Variants in SYNPO2 observed in about 807,000 individuals in gnomAD.
SYNPO2 encodes synaptopodin-2.
SYNPO2 carries 56 observed loss-of-function variants against 85.0 expected under a neutral mutation model. That is an observed-to-expected ratio of 0.66 (90% CI 0.53 to 0.82). The LOEUF is 0.82. SYNPO2 is among the 40% of genes least tolerant of loss of function. The pLI is 0.00. For missense variants in SYNPO2, 1,575 were observed against 1,534.2 expected (o/e 1.03, Z -0.44); for synonymous variants, 602 against 591.1 (o/e 1.02, Z -0.27).
intron 1 of SYNPO2, among the ~76,000 whole-genome samples, chr4:119,012,393 T>TTTTTTTTTTTTTTA (rs1553946399): frequency 1.1e-4 from 15 of 130,820 alleles, no homozygotes; most frequent in Admixed American, 2.4e-4. Context: ...TTTTTTTTTT[T>TTTTTTTTTTTTTTA]ATTTTACTTT....
intron 1 of SYNPO2, among the ~76,000 whole-genome samples, chr4:119,001,576 G>A (rs1367559641): frequency 6.6e-6 from 1 of 152,030 alleles, no homozygotes; most frequent in African/African-American, 2.4e-5. Context: ...CAGTATACCG[G>A]GAAGCCAAAA....
intron 4 of SYNPO2, chr4:119,036,034 CAAAT>C (rs1738499355): frequency 1.0e-6 from 1 of 985,330 alleles, no homozygotes; most frequent in South Asian, 4.7e-5. Flanking sequence ...TTTAATTTCT[CAAAT>C]AAAGGCCCTT....
At chr4:119,017,923 C>T (rs905320436) in intron 1 of SYNPO2, among the ~76,000 whole-genome samples, 4 of 152,070 alleles carry the variant, frequency 2.6e-5, no homozygotes, top group African/African-American at 9.7e-5. Flanking sequence ...AATCTGAGAC[C>T]TGCTTTCTAG....
chr4:118,893,817 C>T (rs558515360), intron 1 of SYNPO2, among the ~76,000 whole-genome samples: 1 of 150,726 alleles, frequency 6.6e-6, no homozygotes, highest in East Asian at 2.0e-4. Flanking sequence ...TTGATAATAA[C>T]GTATTGTATA....
intron 1 of SYNPO2, among the ~76,000 whole-genome samples, chr4:119,005,137 A>C (rs965655559): frequency 6.6e-6 from 1 of 152,226 alleles, no homozygotes; most frequent in African/African-American, 2.4e-5. Context: ...GCCCTTTGTC[A>C]GATGAGTAGA....
chr4:118,967,860 C>CAAAA (rs34878457), intron 1 of SYNPO2, among the ~76,000 whole-genome samples: 4 of 145,316 alleles, frequency 2.8e-5, no homozygotes, highest in African/African-American at 1.0e-4. Context: ...ATCTTTATAC[C>CAAAA]AAAAAAAAAA....
chr4:119,035,621 T>A, intron 4 of SYNPO2: 2 of 985,370 alleles, frequency 2.0e-6, no homozygotes, highest in Non-Finnish European at 2.4e-6. Context: ...ACTGTTTTAT[T>A]TAATTTTCAC....
chr4:119,000,428 G>A (rs1431122873), intron 1 of SYNPO2, among the ~76,000 whole-genome samples: 1 of 152,168 alleles, frequency 6.6e-6, no homozygotes, highest in African/African-American at 2.4e-5. Context: ...TGTCCAAGCT[G>A]AGGAAGACTT....
At chr4:118,889,897 G>A (rs113065578) in intron 1 of SYNPO2, among the ~76,000 whole-genome samples, 3,313 of 152,222 alleles carry the variant, frequency 0.022, 44 homozygotes, top group African/African-American at 0.024. Context: ...AGGGGATCTG[G>A]TATTCTCTAA....
chr4:118,940,644 C>T (rs1734276093), intron 1 of SYNPO2, among the ~76,000 whole-genome samples: 1 of 152,080 alleles, frequency 6.6e-6, no homozygotes, highest in Admixed American at 6.6e-5. Context: ...TGCGGTCGGA[C>T]CCCCACCCCT....
At chr4:118,893,278 G>A (rs748397966) in intron 1 of SYNPO2, among the ~76,000 whole-genome samples, 19 of 152,160 alleles carry the variant, frequency 1.2e-4, no homozygotes, top group Non-Finnish European at 2.4e-4. Context: ...GGAGGTTTCT[G>A]AAAGATGACA....
At chr4:118,866,700 A>C (rs1239292099) in intron 1 of SYNPO2, among the ~76,000 whole-genome samples, 4 of 152,092 alleles carry the variant, frequency 2.6e-5, no homozygotes, top group Non-Finnish European at 5.9e-5. Flanking sequence ...TAGAGTTTCC[A>C]CAAGATCTGG....
chr4:118,876,757 C>G (rs1731934576), intron 1 of SYNPO2, among the ~76,000 whole-genome samples: 1 of 142,978 alleles, frequency 7.0e-6, no homozygotes, highest in Admixed American at 7.3e-5. Context: ...CTGTCTCTCT[C>G]TCTCTTTCCC....
At position 119,023,439 on chromosome 4, in the gene SYNPO2, C is replaced by A; in HGVS notation, c.115C>A (p.Gln39Lys). The A allele has an allele frequency of 6.2e-7, 1 of 1,606,262 alleles. No homozygotes were observed. The highest frequency in any genetic ancestry group is 8.5e-7 in the Non-Finnish European group (1 of 1,177,288). The change falls in exon 2 of 5, where the codon CAG (glutamine) becomes AAG (lysine). Residue 39 changes from glutamine (Q) to lysine (K), a missense_variant. Gln to Lys is a moderately conservative substitution (Grantham distance 53). Around this residue, in one of 3 missense-constraint regions of SYNPO2, gnomAD observed 55 missense variants for 55.5 expected, o/e 0.99. Transcript: ENST00000307142. Reference protein sequence around the residue: ...QPLQVAKIRNQSKASGSGLCE... With the variant: ...QPLQVAKIRNKSKASGSGLCE... ...TTTTTACTCCACTCAGATTCGAAAT[C>A]AGAGCAAAGCCTCTGGGTCTGGGCT...
chr4:118,956,382 G>T (rs13145646), intron 1 of SYNPO2, among the ~76,000 whole-genome samples: 103,410 of 151,960 alleles, frequency 0.68, 35,312 homozygotes, highest in Admixed American at 0.73. Flanking sequence ...GTGGTCAACC[G>T]TTCCAAAAGT....
intron 1 of SYNPO2, among the ~76,000 whole-genome samples, chr4:118,966,578 C>T (rs1160052275): frequency 2.6e-5 from 4 of 152,050 alleles, no homozygotes; most frequent in African/African-American, 7.2e-5. Flanking sequence ...GATTGGACCC[C>T]AGGGCTGCTG....
chr4:118,962,671 T>C (rs560855161), intron 1 of SYNPO2, among the ~76,000 whole-genome samples: 3 of 152,280 alleles, frequency 2.0e-5, no homozygotes, highest in South Asian at 2.1e-4. Flanking sequence ...TGTTGAGTGA[T>C]TGAGAAATCA....
rs188666393 is a variant in SYNPO2 at position 119,043,281 on chromosome 4, G to A, written c.3252+11254G>A. The A allele has an allele frequency of 2.0e-5, 3 of 151,898 alleles. No individual in the cohort carries two copies. The East Asian group carries it at 5.8e-4, about 29-fold the overall frequency. The allele number at this position is 151,898 out of a possible 1,614,324, so 9.4% of individuals were successfully genotyped here. On this transcript the variant is annotated intron_variant, in intron 4 of 4. Coordinates refer to ENST00000307142, the MANE Select transcript of SYNPO2 (RefSeq NM_133477.3). ...TTTCTCTCAAATGTGTATTGATGAG[G>A]GCCTATCCATTTTAGTCTCCCCAGA... is the stretch of plus-strand genomic sequence containing the variant.
intron 1 of SYNPO2, among the ~76,000 whole-genome samples, chr4:119,018,664 G>T (rs1737606649): frequency 6.6e-6 from 1 of 152,112 alleles, no homozygotes; most frequent in Non-Finnish European, 1.5e-5. Flanking sequence ...ACTGGGAAGG[G>T]TAGTAGAGAG....
Sources: gnomAD v4.1 joint callset for allele counts (sites outside exome capture counted in the v4.1 genomes callset) on GRCh38, gnomAD v4.1.1 for gene constraint, gnomAD v4.1.1 regional missense constraint, MANE v1.5 for transcripts, NCBI Gene and HGNC (gene_info 2026-07-23, HGNC 2026-07-21) for gene names.